Variants in HDAC9 observed in about 807,000 individuals in gnomAD.
HDAC9 encodes histone deacetylase 9, also known as MEF-2 interacting transcription repressor (MITR) protein.
In HDAC9, 41 loss-of-function variants were observed where a neutral mutation model predicts 139.4. The ratio of observed to expected loss-of-function variants is 0.29; its 90% CI spans 0.23 to 0.38. HDAC9 has a LOEUF of 0.38. Ranked by LOEUF, HDAC9 falls within the 10% of genes least tolerant of loss-of-function variation. The probability of loss-of-function intolerance (pLI) is 1.00; values close to 1 mark genes in which losing one functional copy is unlikely to be tolerated. For missense variants in HDAC9, 1,147 were observed against 1,297.0 expected (o/e 0.88, Z 1.78); for synonymous variants, 517 against 476.2 (o/e 1.09, Z -1.12).
At chr7:18,831,251 C>T (rs947246409) in intron 19 of HDAC9, among the ~76,000 whole-genome samples, 2 of 152,150 alleles carry the variant, frequency 1.3e-5, no homozygotes, top group Admixed American at 6.6e-5. Flanking sequence ...GATATCTAGA[C>T]TCAAAAGTAG....
At chr7:18,437,697 G>A (rs1164389806) in intron 1 of HDAC9, among the ~76,000 whole-genome samples, 1 of 151,536 alleles carries the variant, frequency 6.6e-6, no homozygotes, top group Non-Finnish European at 1.5e-5. Context: ...GCCCTTAACT[G>A]TTAGCATCAT....
intron 12 of HDAC9, among the ~76,000 whole-genome samples, chr7:18,674,695 A>T (rs1781390864): frequency 6.6e-6 from 1 of 151,926 alleles, no homozygotes; most frequent in Admixed American, 6.6e-5. Context: ...TTTCTTCCAT[A>T]CTATGATTTT....
At chr7:18,842,933 G>A (rs182064683) in intron 21 of HDAC9, among the ~76,000 whole-genome samples, 3 of 152,082 alleles carry the variant, frequency 2.0e-5, no homozygotes, top group Non-Finnish European at 4.4e-5. Context: ...AGTACTTGAA[G>A]TTTTGAAAGG....
At chr7:18,766,067 G>T (rs945743122) in intron 15 of HDAC9, among the ~76,000 whole-genome samples, 1 of 152,136 alleles carries the variant, frequency 6.6e-6, no homozygotes, top group Non-Finnish European at 1.5e-5. Context: ...TACTGACGTG[G>T]TGTATGAATT....
At chr7:18,333,178 G>A (rs1269888813) in intron 1 of HDAC9, among the ~76,000 whole-genome samples, 1 of 151,408 alleles carries the variant, frequency 6.6e-6, no homozygotes, top group Non-Finnish European at 1.5e-5. Flanking sequence ...CTGAGTCAGA[G>A]GCAGTTTTTA....
intron 2 of HDAC9, among the ~76,000 whole-genome samples, chr7:18,575,068 A>G (rs1400402822): frequency 1.3e-5 from 2 of 152,366 alleles, no homozygotes; most frequent in Admixed American, 6.5e-5. Flanking sequence ...GCCCTTCTGG[A>G]CAGGCCAGCC....
chr7:18,734,946 G>T (rs1033425369), intron 13 of HDAC9, among the ~76,000 whole-genome samples: 2 of 152,182 alleles, frequency 1.3e-5, no homozygotes. Context: ...GTGTGAAATG[G>T]TATCTCATTG....
intron 1 of HDAC9, among the ~76,000 whole-genome samples, chr7:18,294,735 A>G (rs2128226575): frequency 6.6e-6 from 1 of 152,236 alleles, no homozygotes; most frequent in South Asian, 2.1e-4. Flanking sequence ...TAATATTTTT[A>G]AACTAGTTGC....
intron 1 of HDAC9, among the ~76,000 whole-genome samples, chr7:18,114,844 G>A (rs945353852): frequency 6.6e-6 from 1 of 152,216 alleles, no homozygotes; most frequent in Admixed American, 6.5e-5. Flanking sequence ...TTTCCGTTTT[G>A]TGTGGGACTA....
At chr7:18,980,661 CTTGTT>C in intron 25 of HDAC9, among the ~76,000 whole-genome samples, 2 of 84,994 alleles carry the variant, frequency 2.4e-5, no homozygotes, top group African/African-American at 8.8e-5. Context: ...TACACTTTTT[CTTGTT>C]CTTCTTGTTC....
At chr7:18,185,617 A>G (rs1194528957) in intron 2 of HDAC9, among the ~76,000 whole-genome samples, 1 of 152,148 alleles carries the variant, frequency 6.6e-6, no homozygotes, top group Non-Finnish European at 1.5e-5. Flanking sequence ...CTTTTTAAAA[A>G]GCCCCTTTTT....
At chr7:18,577,913 A>G (rs1342802364) in intron 2 of HDAC9, among the ~76,000 whole-genome samples, 2 of 152,020 alleles carry the variant, frequency 1.3e-5, no homozygotes, top group Non-Finnish European at 2.9e-5. Context: ...AAAGAATGAG[A>G]CTGAAAAAAA....
chr7:18,994,244 T>C (rs2129353281), intron 25 of HDAC9, among the ~76,000 whole-genome samples: 1 of 152,248 alleles, frequency 6.6e-6, no homozygotes, highest in Non-Finnish European at 1.5e-5. Flanking sequence ...AGTTAGAAAT[T>C]GGAAAAATCG....
chr7:18,374,720 T>A (rs935998764), intron 1 of HDAC9, among the ~76,000 whole-genome samples: 3 of 152,018 alleles, frequency 2.0e-5, no homozygotes, highest in Non-Finnish European at 4.4e-5. Flanking sequence ...AGTCTTTATA[T>A]ATATAAAATA....
chr7:18,266,816 T>A (rs1159543157), intron 2 of HDAC9, among the ~76,000 whole-genome samples: 1 of 152,154 alleles, frequency 6.6e-6, no homozygotes, highest in Non-Finnish European at 1.5e-5. Context: ...AACATCTTAG[T>A]CTTCTTATGA....
chr7:18,574,435 ATGGGTGGGCC>A (rs1376133569), intron 2 of HDAC9, among the ~76,000 whole-genome samples: 5 of 152,224 alleles, frequency 3.3e-5, no homozygotes, highest in Admixed American at 2.0e-4. Flanking sequence ...ATGGACGGCC[ATGGGTGGGCC>A]TGGATAAAGC....
At chr7:18,496,361 T>G (rs758935880) in intron 2 of HDAC9, 37 bp downstream of exon 2, 2 of 1,579,622 alleles carry the variant, frequency 1.3e-6, no homozygotes, top group Non-Finnish European at 1.7e-6. Flanking sequence ...GTTTTAGGTT[T>G]GAAAGGGGGC....
At chr7:18,709,925 A>C (rs1784223008) in intron 12 of HDAC9, among the ~76,000 whole-genome samples, 1 of 152,192 alleles carries the variant, frequency 6.6e-6, no homozygotes, top group African/African-American at 2.4e-5. Context: ...GTCTTCTGAG[A>C]AATGTCAGTG....
chr7:18,333,497 T>C (rs1469283243), intron 1 of HDAC9, among the ~76,000 whole-genome samples: 6 of 151,504 alleles, frequency 4.0e-5, no homozygotes, highest in South Asian at 2.1e-4. Context: ...CTATATCCCA[T>C]GTCATCAGGA....
Sources: gnomAD v4.1 joint callset for allele counts (sites outside exome capture counted in the v4.1 genomes callset) on GRCh38, gnomAD v4.1.1 for gene constraint, MANE v1.5 for transcripts, NCBI Gene and HGNC (gene_info 2026-07-23, HGNC 2026-07-21) for gene names.